The following DOCK10 variants were observed in gnomAD, a reference collection of about 807,000 sequenced individuals.
DOCK10 encodes dedicator of cytokinesis protein 10.
A neutral mutation model predicts 280.1 loss-of-function variants in DOCK10; 145 were observed. The ratio of observed to expected loss-of-function variants is 0.52; its 90% CI spans 0.45 to 0.59. The LOEUF (loss-of-function observed/expected upper bound fraction) is 0.59, where lower values mean the gene tolerates loss of function less well. Ranked by LOEUF, DOCK10 falls within the 20% of genes least tolerant of loss-of-function variation. DOCK10 has a pLI of 0.00. For synonymous variants in DOCK10, 915 were observed against 942.2 expected (o/e 0.97, Z 0.53); for missense variants, 2,368 against 2,651.7 (o/e 0.89, Z 2.35).
chr2:224,880,535 T>A (rs1698919430), intron 7 of DOCK10, among the ~76,000 whole-genome samples: 1 of 152,182 alleles, frequency 6.6e-6, no homozygotes, highest in African/African-American at 2.4e-5. Flanking sequence ...TCCCCCAAAT[T>A]TTCCTCTATT....
Position 224,765,809 on chromosome 2 carries a change from C to T in DOCK10, c.6473G>A (p.Arg2158His), listed in dbSNP as rs557439456. 29 of 1,613,756 alleles carry T rather than the reference C, an allele frequency of 1.8e-5. No homozygotes were observed. Among genetic ancestry groups the T allele is most frequent in the South Asian group, 1.2e-4 (11 of 91,018 alleles). Residue 2158 changes from arginine (R) to histidine (H), a missense_variant, in exon 56 of 56, where the codon CGC becomes CAC. This residue lies in a region of DOCK10 where 1,159 missense variants were observed against 1,400.8 expected (regional missense o/e 0.83). Coordinates refer to ENST00000258390, the MANE Select transcript of DOCK10 (RefSeq NM_014689.3). ...TCGAGTGCAGGTTTGGTCCACTCCG[C>T]GCTTTGACAGGTCGTCCCTGCCCGT... ...QITGRDDLSK[R>H]GVDQTCTRVI...
At chr2:224,998,231 A>G (rs1363885861) in intron 1 of DOCK10, among the ~76,000 whole-genome samples, 1 of 152,206 alleles carries the variant, frequency 6.6e-6, no homozygotes, top group East Asian at 1.9e-4. Flanking sequence ...AAATATGCCA[A>G]ATGTAAGTTT....
chr2:224,975,842 G>A (rs371330217), intron 1 of DOCK10, among the ~76,000 whole-genome samples: 54 of 152,308 alleles, frequency 3.5e-4, no homozygotes, highest in East Asian at 1.7e-3. Context: ...TGGGGGACCC[G>A]AATGTGGGGA....
rs1356675463 is a variant in DOCK10 at position 224,770,412 on chromosome 2, CTG to C, written c.6306-65_6306-64del. ...TCGGAAGTGGCATTGAGCTCAGTGA[CTG>C]TGAGTTCAGAGTCAGGCTGCTGATG... On this transcript the variant is annotated intron_variant, in intron 54 of 55. Transcript: ENST00000258390. The surrounding 1 kb of genome is among the most constrained non-coding windows in gnomAD (Gnocchi z 4.5). 1 of 1,562,696 alleles carries C rather than the reference CTG, an allele frequency of 6.4e-7. No individual in the cohort carries two copies. Among genetic ancestry groups the C allele is most frequent in the Non-Finnish European group, 8.7e-7 (1 of 1,152,778 alleles).
chr2:224,947,015 C>A, intron 1 of DOCK10: 1 of 1,488,600 alleles, frequency 6.7e-7, no homozygotes, highest in South Asian at 1.3e-5. Context: ...CTCTTCTCTT[C>A]TGAAGCGTCA....
At chr2:225,025,289 C>T (rs1689891055) in intron 1 of DOCK10, among the ~76,000 whole-genome samples, 1 of 152,106 alleles carries the variant, frequency 6.6e-6, no homozygotes, top group Admixed American at 6.5e-5. Context: ...ATAAGGGGTA[C>T]TTGAAGGTGG....
intron 26 of DOCK10, among the ~76,000 whole-genome samples, chr2:224,833,525 G>A (rs552432906): frequency 6.6e-6 from 1 of 150,912 alleles, no homozygotes; most frequent in South Asian, 2.1e-4. Context: ...TCCTCCATCA[G>A]ATATCCTGAC....
intron 50 of DOCK10, among the ~76,000 whole-genome samples, chr2:224,785,414 T>C (rs1248630158): frequency 2.0e-5 from 3 of 152,208 alleles, no homozygotes; most frequent in Non-Finnish European, 4.4e-5. Flanking sequence ...AATTTGTTTA[T>C]AATAAATGGC....
intron 22 of DOCK10, 92 bp from the exon 23 acceptor site, chr2:224,841,988 A>G: frequency 1.1e-6 from 1 of 896,448 alleles, no homozygotes; most frequent in Non-Finnish European, 1.8e-6. Flanking sequence ...GCATTTCTGT[A>G]GGATTGATGC....
At chr2:224,902,002 T>C (rs1021948415) in intron 3 of DOCK10, among the ~76,000 whole-genome samples, 38 of 152,232 alleles carry the variant, frequency 2.5e-4, no homozygotes, top group Non-Finnish European at 4.8e-4. Context: ...CATTTTCTTC[T>C]GGAAATGACA....
At chr2:225,008,763 A>G (rs959271858) in intron 1 of DOCK10, among the ~76,000 whole-genome samples, 1 of 152,220 alleles carries the variant, frequency 6.6e-6, no homozygotes, top group Non-Finnish European at 1.5e-5. Flanking sequence ...ATCCAAAATG[A>G]GAGCACAGGT....
chr2:225,010,595 G>A (rs1689404979), intron 1 of DOCK10: 1 of 154,288 alleles, frequency 6.5e-6, no homozygotes, highest in South Asian at 2.0e-4. Context: ...AAAGGGAAGG[G>A]ACACTGGGAA....
intron 50 of DOCK10, chr2:224,778,532 ATAT>A (rs1414544250): frequency 1.4e-5 from 7 of 507,204 alleles, no homozygotes; most frequent in African/African-American, 1.2e-4. Flanking sequence ...TATCTTACAA[ATAT>A]TATTTTCTCT....
intron 1 of DOCK10, among the ~76,000 whole-genome samples, chr2:225,031,720 A>T (rs2106125715): frequency 6.6e-6 from 1 of 152,346 alleles, no homozygotes; most frequent in Admixed American, 6.5e-5. Flanking sequence ...ACAGACCTTA[A>T]GCCAGAGACT....
At chr2:225,030,146 T>TAA (rs75138059) in intron 1 of DOCK10, among the ~76,000 whole-genome samples, 22 of 119,298 alleles carry the variant, frequency 1.8e-4, no homozygotes, top group African/African-American at 5.9e-4. Flanking sequence ...ACTCTGTCTT[T>TAA]AAAAAAAAAA....
chr2:224,870,890 G>T (rs181333799), intron 11 of DOCK10, among the ~76,000 whole-genome samples: 126 of 131,478 alleles, frequency 9.6e-4, no homozygotes, highest in Middle Eastern at 5.1e-3. Context: ...GCAGTGGCAT[G>T]ATCTCGGCTT....
chr2:224,956,862 C>G (rs1704072134), intron 1 of DOCK10, among the ~76,000 whole-genome samples: 1 of 152,088 alleles, frequency 6.6e-6, no homozygotes, highest in Non-Finnish European at 1.5e-5. Flanking sequence ...TATACTCAGT[C>G]AGGTGGAATT....
chr2:224,796,375 G>C lies in DOCK10; in HGVS notation c.4879C>G (p.Arg1627Gly). The C allele has an allele frequency of 5.7e-6, 9 of 1,574,106 alleles. No homozygotes were observed. The highest frequency in any genetic ancestry group is 1.7e-4 in the Middle Eastern group (1 of 6,010). The change falls in exon 44 of 56, where the codon CGG becomes GGG. Residue 1627 changes from arginine (R) to glycine (G), a missense_variant. This residue lies in a region of DOCK10 where 1,159 missense variants were observed against 1,400.8 expected (regional missense o/e 0.83). Transcript: ENST00000258390. The stretch of plus-strand genomic sequence containing the variant: ...GTAATTGCAAGCGAATGTTGAAACC[G>C]AGAGCCTCCAATCCCAGCATCGGCT... ...LIADAGIGGS[R>G]FQHSLAITNN...
At chr2:224,820,993 G>C (rs1475691977) in intron 28 of DOCK10, among the ~76,000 whole-genome samples, 1 of 152,166 alleles carries the variant, frequency 6.6e-6, no homozygotes, top group Non-Finnish European at 1.5e-5. Context: ...GTCTAAATAG[G>C]TATGTTCAGA....
Sources: allele counts gnomAD v4.1 joint callset (sites outside exome capture counted in the v4.1 genomes callset), GRCh38; gene constraint gnomAD v4.1.1; regional missense constraint gnomAD v4.1.1; non-coding constraint Gnocchi (gnomAD v3.1); transcripts MANE v1.5; gene names NCBI Gene and HGNC (gene_info 2026-07-23, HGNC 2026-07-21).